Variants in KCNH1 observed in about 807,000 individuals in gnomAD.
KCNH1 encodes potassium voltage-gated channel subfamily H member 1, also known as voltage-gated delayed rectifier potassium channel KCNH1.
A neutral mutation model predicts 69.2 loss-of-function variants in KCNH1; 27 were observed. The observed-to-expected ratio is 0.39, with a 90% CI of 0.29 to 0.54. The LOEUF (loss-of-function observed/expected upper bound fraction) is 0.54. Ranked by LOEUF, KCNH1 falls within the 20% of genes least tolerant of loss-of-function variation. The probability of loss-of-function intolerance (pLI) is 0.68; values close to 1 mark genes in which losing one functional copy is unlikely to be tolerated. For synonymous variants in KCNH1, 456 were observed against 487.7 expected (o/e 0.93, Z 0.86); for missense variants, 798 against 1,261.6 (o/e 0.63, Z 5.57).
intron 7 of KCNH1, among the ~76,000 whole-genome samples, chr1:210,906,938 T>C (rs1479334336): frequency 6.6e-6 from 1 of 152,160 alleles, no homozygotes; most frequent in Non-Finnish European, 1.5e-5. Flanking sequence ...CAAGATCCTT[T>C]AAAATGACAC....
rs182129720 is a variant in KCNH1, at chr1:210,982,885, A to C, written c.1032+35898T>G. Among the ~76,000 whole-genome samples the C allele has an allele frequency of 7.5e-3, 1,138 of 152,340 alleles. 14 individuals carry two copies. The highest frequency in any genetic ancestry group is 0.047 in the South Asian group (227 of 4,824). Reference sequence around the variant, plus strand: ...GGTTGAACTAGCTTACAGTCCCACCAAAAGTGTAAAAGTGTTCCTATTTCT... The same window carrying C: ...GGTTGAACTAGCTTACAGTCCCACCCAAAGTGTAAAAGTGTTCCTATTTCT... On this transcript the variant is annotated intron_variant, in intron 6 of 10. Transcript: ENST00000271751.
chr1:211,070,821 CA>C (rs35631739), intron 5 of KCNH1, among the ~76,000 whole-genome samples: 225 of 130,372 alleles, frequency 1.7e-3, no homozygotes, highest in Middle Eastern at 8.1e-3. Flanking sequence ...GACTCCATCT[CA>C]AAAAAAAAAA....
At chr1:211,012,281 C>T (rs1689408342) in intron 6 of KCNH1, among the ~76,000 whole-genome samples, 1 of 152,140 alleles carries the variant, frequency 6.6e-6, no homozygotes, top group Non-Finnish European at 1.5e-5. Flanking sequence ...TAAGACTGGT[C>T]AGCCTGCATC....
At chr1:210,818,528 C>A (rs1684863683) in intron 7 of KCNH1, among the ~76,000 whole-genome samples, 1 of 152,096 alleles carries the variant, frequency 6.6e-6, no homozygotes, top group Non-Finnish European at 1.5e-5. Flanking sequence ...CAGTTTTCCT[C>A]ATCTGTAAAA....
At chr1:210,777,084 A>G (rs1413067358) in intron 9 of KCNH1, among the ~76,000 whole-genome samples, 1 of 152,196 alleles carries the variant, frequency 6.6e-6, no homozygotes, top group Admixed American at 6.5e-5. Context: ...GTACATCCAG[A>G]TAGGCCAAGC....
intron 4 of KCNH1, among the ~76,000 whole-genome samples, chr1:211,083,318 CTG>C: frequency 6.6e-6 from 1 of 152,356 alleles, no homozygotes; most frequent in Non-Finnish European, 1.5e-5. Flanking sequence ...CCCAGGCTAT[CTG>C]ATCTTGCAGA....
chr1:210,714,326 T>TAGAC (rs1211960190), intron 10 of KCNH1, among the ~76,000 whole-genome samples: 1 of 152,144 alleles, frequency 6.6e-6, no homozygotes, highest in East Asian at 1.9e-4. Context: ...TGTTTCGAGG[T>TAGAC]AGACAAAAGG....
rs1685917387 is a variant in KCNH1 at position 210,859,038 on chromosome 1, T to C, written c.1463-54872A>G. 2.1e-5 allele frequency: 10 copies of C among 483,614 alleles called. No homozygotes were observed. The East Asian group carries it at 3.2e-4, about 15-fold the overall frequency. 30.0% of individuals were successfully genotyped at this position (483,614 alleles called of 1,614,324 possible). Reference sequence around the variant, plus strand: ...GATCAGGTCCCATCTCCTGGGGTTGTTGTTGTTGTGATTTTTTTTCTGTCC... The same window carrying C: ...GATCAGGTCCCATCTCCTGGGGTTGCTGTTGTTGTGATTTTTTTTCTGTCC... On this transcript the variant is annotated intron_variant, in intron 7 of 10. Transcript: ENST00000271751.
rs1689539573 is a variant in KCNH1, at chr1:211,018,767, G to A, written c.1032+16C>T. ...TTAAAGACATGACAACAAGGTCTGA[G>A]ATTTGAGGGATGTACCTGACTCTCT... On this transcript the variant is annotated intron_variant, in intron 6 of 10. Coordinates refer to ENST00000271751, the MANE Select transcript of KCNH1 (RefSeq NM_172362.3). 6.4e-7 allele frequency: 1 copy of A among 1,566,750 alleles called. No homozygotes were observed. Among genetic ancestry groups the A allele is most frequent in the Non-Finnish European group, 8.7e-7 (1 of 1,153,566 alleles).
At chr1:210,861,564 T>C (rs1472346168) in intron 7 of KCNH1, 2 of 772,232 alleles carry the variant, frequency 2.6e-6, no homozygotes, top group Non-Finnish European at 4.8e-6. Context: ...GTCTTTAAAA[T>C]TTCTACCCAT....
At chr1:211,040,698 G>T (rs1297385627) in intron 5 of KCNH1, among the ~76,000 whole-genome samples, 1 of 152,154 alleles carries the variant, frequency 6.6e-6, no homozygotes, top group Non-Finnish European at 1.5e-5. Flanking sequence ...AATGGTCAGA[G>T]ATCATAATAT....
At chr1:210,729,613 G>A (rs1682693210) in intron 10 of KCNH1, among the ~76,000 whole-genome samples, 1 of 152,152 alleles carries the variant, frequency 6.6e-6, no homozygotes, top group Admixed American at 6.5e-5. Context: ...AAAAACATTT[G>A]CAATTGACTG....
At chr1:210,898,039 T>G (rs541060384) in intron 7 of KCNH1, among the ~76,000 whole-genome samples, 1 of 152,312 alleles carries the variant, frequency 6.6e-6, no homozygotes, top group South Asian at 2.1e-4. Context: ...AATGCCTTTC[T>G]AAACAATTCT....
chr1:210,907,137 T>C (rs536554547), intron 7 of KCNH1, among the ~76,000 whole-genome samples: 1 of 152,092 alleles, frequency 6.6e-6, no homozygotes, highest in Non-Finnish European at 1.5e-5. Context: ...TCCAATCACA[T>C]GGATGCAAAA....
chr1:210,788,722 A>G, intron 9 of KCNH1, among the ~76,000 whole-genome samples: 1 of 100,346 alleles, frequency 1.0e-5, no homozygotes, highest in East Asian at 3.3e-4. Context: ...TTTGAGACGG[A>G]GTCTCGCTCT....
At chr1:210,815,499 A>G (rs1684793576) in intron 7 of KCNH1, among the ~76,000 whole-genome samples, 1 of 152,014 alleles carries the variant, frequency 6.6e-6, no homozygotes, top group Admixed American at 6.6e-5. Context: ...GAGTAGCCCC[A>G]TTTTTCTAAG....
chr1:211,075,316 T>G (rs934554104), intron 5 of KCNH1, among the ~76,000 whole-genome samples: 2 of 152,254 alleles, frequency 1.3e-5, no homozygotes, highest in African/African-American at 4.8e-5. Context: ...AGCTTCTGGT[T>G]ACTACAAGGA....
intron 3 of KCNH1, among the ~76,000 whole-genome samples, chr1:211,090,903 T>G (rs1691040346): frequency 6.6e-6 from 1 of 152,228 alleles, no homozygotes; most frequent in African/African-American, 2.4e-5. Flanking sequence ...TTTCTCCTGT[T>G]CAACTAATTT....
chr1:211,079,068 G>C (rs1485189012), intron 5 of KCNH1, among the ~76,000 whole-genome samples: 7 of 151,868 alleles, frequency 4.6e-5, no homozygotes, highest in Non-Finnish European at 8.8e-5. Context: ...TAGACCACTA[G>C]CAAGACTAAT....
Sources: gnomAD v4.1 joint callset for allele counts (sites outside exome capture counted in the v4.1 genomes callset) on GRCh38, gnomAD v4.1.1 for gene constraint, MANE v1.5 for transcripts, NCBI Gene and HGNC (gene_info 2026-07-23, HGNC 2026-07-21) for gene names.